IMPG1: variants seen among roughly 807,000 people sequenced by gnomAD.
The protein encoded by IMPG1 is interphotoreceptor matrix proteoglycan of 150 kDa.
IMPG1 carries 85 observed loss-of-function variants against 92.0 expected under a neutral mutation model. That is an observed-to-expected ratio of 0.92 (90% CI 0.78 to 1.11). The LOEUF (loss-of-function observed/expected upper bound fraction) is 1.11. Ranked by LOEUF, IMPG1 falls within the 50% of genes least tolerant of loss-of-function variation. IMPG1 has a pLI of 0.00. For synonymous variants in IMPG1, 367 were observed against 334.1 expected, an observed-to-expected ratio of 1.10 and a Z score of -1.08; for missense variants, 1,022 against 956.0, an observed-to-expected ratio of 1.07 and a Z score of -0.91.
chr6:76,015,689 A>G (rs1783273166), intron 7 of IMPG1, among the ~76,000 whole-genome samples: 1 of 150,454 alleles, frequency 6.6e-6, no homozygotes, highest in African/African-American at 2.4e-5. Context: ...AATTTCAACT[A>G]CTTGGGAGGC....
intron 1 of IMPG1, among the ~76,000 whole-genome samples, chr6:76,061,285 A>G (rs1288763577): frequency 6.6e-6 from 1 of 152,216 alleles, no homozygotes; most frequent in Non-Finnish European, 1.5e-5. Flanking sequence ...CATAGTTTCA[A>G]CTTTAAGGAC....
chr6:76,048,757 T>G (rs1783987791), intron 1 of IMPG1, among the ~76,000 whole-genome samples: 1 of 152,196 alleles, frequency 6.6e-6, no homozygotes, highest in African/African-American at 2.4e-5. Flanking sequence ...GCAAAACTAT[T>G]TAAAAAGATC....
rs774647095 is a variant in IMPG1 at position 75,947,363 on chromosome 6, G to C, written c.1995C>G (p.Ala665=). The C allele has an allele frequency of 2.1e-5, 34 of 1,613,724 alleles. No individual in the cohort carries two copies. Among genetic ancestry groups the C allele is most frequent in the Non-Finnish European group, 2.4e-5 (28 of 1,179,882 alleles). Reference sequence around the variant, plus strand: ...TGTCTATTTCCAGATGGAGTTGTTGGGCTGCAGCAGAACGAAAATCCTCCA... The same window carrying C: ...TGTCTATTTCCAGATGGAGTTGTTGCGCTGCAGCAGAACGAAAATCCTCCA... ...GVLEDFRSAA[A]QQLHLEIDSY... is the part of the protein sequence containing the mutation. The change falls in exon 14 of 17, where the codon GCC becomes GCG. Residue 665 remains alanine, a synonymous_variant. Transcript: ENST00000369950.
chr6:75,978,289 C>A (rs1386384035), intron 12 of IMPG1, among the ~76,000 whole-genome samples: 1 of 152,114 alleles, frequency 6.6e-6, no homozygotes, highest in East Asian at 1.9e-4. Context: ...CACGCTGCAC[C>A]TTTGCTGCAC....
rs200651043 is a variant in IMPG1 at position 76,042,019 on chromosome 6, G to T, written c.175C>A (p.Arg59=). The change falls in exon 2 of 17, where the codon CGA becomes AGA. Residue 59 remains arginine, a synonymous_variant. Coordinates refer to ENST00000369950, the MANE Select transcript of IMPG1 (RefSeq NM_001563.4). ...EKMYKMSTMR[R]IFDLAKHRTK... Reference sequence around the variant, plus strand: ...CGATGCTTTGCCAAATCGAATATTCGTCTCATAGTTGACATTTTGTACATT... The same window carrying T: ...CGATGCTTTGCCAAATCGAATATTCTTCTCATAGTTGACATTTTGTACATT... The T allele has an allele frequency of 1.9e-6, 3 of 1,612,216 alleles. No individual in the cohort carries two copies. The highest frequency in any genetic ancestry group is 2.5e-6 in the Non-Finnish European group (3 of 1,178,386).
intron 1 of IMPG1, among the ~76,000 whole-genome samples, chr6:76,050,539 T>C (rs894938263): frequency 3.3e-5 from 5 of 152,234 alleles, no homozygotes; most frequent in African/African-American, 1.2e-4. Flanking sequence ...GGTTGAAGGC[T>C]GATGGCCATG....
chr6:76,029,684 G>A (rs1049012617), intron 4 of IMPG1, among the ~76,000 whole-genome samples: 17 of 152,100 alleles, frequency 1.1e-4, no homozygotes, highest in African/African-American at 4.1e-4. Context: ...AATCCTGCCA[G>A]GTGATGGAAT....
At chr6:76,053,199 T>C (rs753565426) in intron 1 of IMPG1, among the ~76,000 whole-genome samples, 1 of 152,204 alleles carries the variant, frequency 6.6e-6, no homozygotes. Context: ...CAGGTTACCA[T>C]AAGAGAATCT....
rs756786673 is a variant in IMPG1 at position 76,025,177 on chromosome 6, A to G, written c.562+17T>C. On this transcript the variant is annotated intron_variant, in intron 5 of 16. Transcript: ENST00000369950. ...TGAATGAAAGTTGAGAAGCAAAGAA[A>G]TTAGATCTAAGCTTACCTGTTGAAA... 5.3e-6 allele frequency: 8 copies of G among 1,500,378 alleles called. No individual in the cohort carries two copies. The South Asian group carries it at 9.3e-5, about 17-fold the overall frequency. 92.9% of individuals were successfully genotyped at this position (1,500,378 alleles called of 1,614,324 possible). A position where few individuals can be genotyped will look rare whatever the true frequency, so the allele number is the denominator to read the frequency against.
At chr6:75,986,638 A>G (rs1782722485) in intron 12 of IMPG1, among the ~76,000 whole-genome samples, 1 of 152,220 alleles carries the variant, frequency 6.6e-6, no homozygotes, top group Non-Finnish European at 1.5e-5. Flanking sequence ...TCAATAATGA[A>G]GGCTGAAATA....
intron 2 of IMPG1, among the ~76,000 whole-genome samples, chr6:76,037,233 G>C (rs2765808): frequency 0.62 from 93,796 of 152,040 alleles, 29,182 homozygotes; most frequent in Non-Finnish European, 0.64. Flanking sequence ...ATTTCTCTTA[G>C]CTTTCTGTTT....
intron 13 of IMPG1, among the ~76,000 whole-genome samples, chr6:75,949,111 ATT>A (rs1473825962): frequency 6.6e-6 from 1 of 152,198 alleles, no homozygotes; most frequent in African/African-American, 2.4e-5. Flanking sequence ...ATGAACCCTA[ATT>A]AACATGCCAT....
intron 14 of IMPG1, among the ~76,000 whole-genome samples, chr6:75,941,769 C>T (rs980512881): frequency 9.9e-5 from 15 of 152,220 alleles, no homozygotes; most frequent in Non-Finnish European, 1.5e-5. Flanking sequence ...CCTCTGGCTA[C>T]CTAAAATTCC....
rs9447582 is a variant in IMPG1 at position 75,950,247 on chromosome 6, T to C, written c.1824+315A>G. Among the ~76,000 whole-genome samples the C allele has an allele frequency of 4.5e-3, 680 of 152,292 alleles. 4 individuals are homozygous for C. Among genetic ancestry groups the C allele is most frequent in the African/African-American group, 0.016 (646 of 41,560 alleles). On this transcript the variant is annotated intron_variant, in intron 13 of 16. Transcript: ENST00000369950. ...ATGTTCACTCTATTTTTAGATTCCA[T>C]GTTCAGTGCTTGAGTGTTATGTATT...
At chr6:76,059,884 T>C (rs1187875437) in intron 1 of IMPG1, among the ~76,000 whole-genome samples, 1 of 152,230 alleles carries the variant, frequency 6.6e-6, no homozygotes, top group Non-Finnish European at 1.5e-5. Flanking sequence ...GGGTTAATAA[T>C]AGTGTCATAG....
intron 15 of IMPG1, chr6:75,928,613 TGAC>T (rs1392179507): frequency 6.6e-6 from 1 of 152,190 alleles, no homozygotes; most frequent in African/African-American, 2.4e-5. Context: ...CTACTGTACT[TGAC>T]TAGCCTAAAA....
At chr6:75,928,089 A>G (rs1781589593) in intron 15 of IMPG1, among the ~76,000 whole-genome samples, 1 of 152,216 alleles carries the variant, frequency 6.6e-6, no homozygotes, top group Non-Finnish European at 1.5e-5. Context: ...GCTGATTAAA[A>G]TGAAAACGGA....
chr6:75,995,507 ACCAC>A (rs1281420173), intron 12 of IMPG1, among the ~76,000 whole-genome samples: 2 of 151,830 alleles, frequency 1.3e-5, no homozygotes, highest in Non-Finnish European at 2.9e-5. Context: ...AATACCCTTC[ACCAC>A]CCCTCCTCAG....
chr6:76,070,847 GA>G (rs1350228202), intron 1 of IMPG1, among the ~76,000 whole-genome samples: 1 of 151,980 alleles, frequency 6.6e-6, no homozygotes, highest in Non-Finnish European at 1.5e-5. Flanking sequence ...AATGAGGGAT[GA>G]AAAATTACCC....
Sources: allele counts gnomAD v4.1 joint callset (sites outside exome capture counted in the v4.1 genomes callset), GRCh38; gene constraint gnomAD v4.1.1; transcripts MANE v1.5; gene names NCBI Gene and HGNC (gene_info 2026-07-23, HGNC 2026-07-21).